The following RBFOX1 variants were observed in gnomAD, a reference collection of about 807,000 sequenced individuals.
The protein encoded by RBFOX1 is RNA binding fox-1 homolog 1, also known as RNA binding protein fox-1 homolog 1.
A neutral mutation model predicts 57.7 loss-of-function variants in RBFOX1; 8 were observed. The observed-to-expected ratio is 0.14, with a 90% CI of 0.08 to 0.25. The LOEUF (loss-of-function observed/expected upper bound fraction) is 0.25, where lower values mean the gene tolerates loss of function less well. Among genes scored for constraint, RBFOX1 ranks in the 10% least tolerant of loss-of-function variants. The pLI is 1.00. For synonymous variants in RBFOX1, 326 were observed against 222.4 expected (o/e 1.47, Z -4.15); for missense variants, 611 against 548.5 (o/e 1.11, Z -1.14).
chr16:6,534,617 C>T (rs1016033), intron 2 of RBFOX1, among the ~76,000 whole-genome samples: 65,880 of 151,924 alleles, frequency 0.43, 14,802 homozygotes, highest in Non-Finnish European at 0.49. Context: ...TTACACTAAT[C>T]GTCACAAGAC....
intron 2 of RBFOX1, among the ~76,000 whole-genome samples, chr16:6,408,253 C>T (rs577629286): frequency 5.3e-4 from 80 of 152,228 alleles, no homozygotes; most frequent in African/African-American, 1.9e-3. Flanking sequence ...GCACTTTATT[C>T]TATAAAGTGC....
chr16:6,541,946 C>CTTTTT (rs879873002), intron 2 of RBFOX1, among the ~76,000 whole-genome samples: 1 of 146,698 alleles, frequency 6.8e-6, no homozygotes, highest in African/African-American at 2.5e-5. Context: ...ACATCTCCCC[C>CTTTTT]TTTTTTTTTT....
At chr16:6,833,251 C>A (rs771048017) in intron 3 of RBFOX1, among the ~76,000 whole-genome samples, 1 of 151,868 alleles carries the variant, frequency 6.6e-6, no homozygotes, top group Non-Finnish European at 1.5e-5. Flanking sequence ...TTACAACCTC[C>A]GCCTCCCAGA....
At chr16:6,310,886 A>T (rs12102452) in intron 1 of RBFOX1, among the ~76,000 whole-genome samples, 4 of 150,258 alleles carry the variant, frequency 2.7e-5, no homozygotes, top group African/African-American at 9.8e-5. Flanking sequence ...AACAGGTGCA[A>T]ATTTACCAGT....
intron 1 of RBFOX1, among the ~76,000 whole-genome samples, chr16:5,329,737 C>G (rs112586096): frequency 6.6e-6 from 1 of 152,196 alleles, no homozygotes; most frequent in Non-Finnish European, 1.5e-5. Flanking sequence ...CGGTGGCTTA[C>G]GCCTGTAATC....
chr16:5,521,318 G>A (rs145054795), intron 2 of RBFOX1, among the ~76,000 whole-genome samples: 36 of 136,798 alleles, frequency 2.6e-4, no homozygotes, highest in African/African-American at 8.8e-4. Context: ...CCCCAGGTCC[G>A]TGCAATTCAT....
In RBFOX1 at chr16:6,388,182, G is replaced by A. The variant is rs571199100; in HGVS notation, c.-64+71125G>A. On this transcript the variant is annotated intron_variant, in intron 2 of 15. Coordinates refer to ENST00000550418, the MANE Select transcript of RBFOX1 (RefSeq NM_018723.4). ...GGAGTTTCACCTTGTTAACCAGGAT[G>A]GTCTTGAACTCCTGACCTTGTGATC... Among the ~76,000 whole-genome samples the A allele has an allele frequency of 8.8e-4, 134 of 152,000 alleles. 4 individuals carry two copies. In the South Asian group the frequency reaches 0.013, roughly 15 times the overall value.
chr16:5,882,182 C>G (rs1473822472), intron 4 of RBFOX1, among the ~76,000 whole-genome samples: 2 of 152,194 alleles, frequency 1.3e-5, no homozygotes, highest in Admixed American at 6.5e-5. Context: ...AAATCACTAA[C>G]CTCTACTGCC....
chr16:5,432,254 A>G (rs2067761647), intron 1 of RBFOX1, among the ~76,000 whole-genome samples: 1 of 152,216 alleles, frequency 6.6e-6, no homozygotes, highest in Non-Finnish European at 1.5e-5. Context: ...CTGTAAAAAT[A>G]AAAACATGGT....
At chr16:6,436,435 T>C in intron 2 of RBFOX1, among the ~76,000 whole-genome samples, 1 of 151,906 alleles carries the variant, frequency 6.6e-6, no homozygotes, top group East Asian at 1.9e-4. Flanking sequence ...CCCTTATACA[T>C]GATACAGACC....
At chr16:7,383,326 C>A (rs1021576909) in intron 4 of RBFOX1, among the ~76,000 whole-genome samples, 5 of 150,876 alleles carry the variant, frequency 3.3e-5, no homozygotes, top group African/African-American at 1.2e-4. Flanking sequence ...AATATAACTT[C>A]TCTGCTTGGA....
At chr16:7,169,879 C>G (rs943362132) in intron 4 of RBFOX1, among the ~76,000 whole-genome samples, 1 of 151,978 alleles carries the variant, frequency 6.6e-6, no homozygotes, top group Admixed American at 6.6e-5. Flanking sequence ...AAGACCTGCC[C>G]TGGCAACGTG....
intron 14 of RBFOX1, among the ~76,000 whole-genome samples, chr16:7,691,198 T>C (rs8061577): frequency 0.52 from 70,343 of 135,806 alleles, 16,408 homozygotes; most frequent in South Asian, 0.61. Flanking sequence ...GTCACTATTA[T>C]TGAGAACTCT....
chr16:6,329,750 G>C (rs138399094), intron 2 of RBFOX1, among the ~76,000 whole-genome samples: 8 of 152,228 alleles, frequency 5.3e-5, no homozygotes, highest in African/African-American at 1.9e-4. Context: ...AAGCCAACAT[G>C]GTCAAACCAT....
At position 6,753,005 on chromosome 16, in the gene RBFOX1, C is replaced by T. The variant is rs1384126889; in HGVS notation, c.-16+98355C>T. On this transcript the variant is annotated intron_variant, in intron 3 of 15. Transcript: ENST00000550418. Reference sequence around the variant, plus strand: ...TACAAATGTGCAAATTTCAAATACACAATTGTGCAAATTTCAAAATTTATT... The same window carrying T: ...TACAAATGTGCAAATTTCAAATACATAATTGTGCAAATTTCAAAATTTATT... Among the ~76,000 whole-genome samples the T allele has an allele frequency of 2.0e-5, 3 of 152,022 alleles. No homozygotes were observed. In the East Asian group the frequency reaches 5.8e-4, roughly 29 times the overall value.
chr16:6,393,241 C>T (rs552655589), intron 2 of RBFOX1, among the ~76,000 whole-genome samples: 1 of 152,152 alleles, frequency 6.6e-6, no homozygotes, highest in Non-Finnish European at 1.5e-5. Flanking sequence ...AATTAAATGA[C>T]TCTGAGCATC....
chr16:6,691,842 T>G (rs1381471106), intron 3 of RBFOX1, among the ~76,000 whole-genome samples: 2 of 152,200 alleles, frequency 1.3e-5, no homozygotes, highest in African/African-American at 4.8e-5. Flanking sequence ...CTGAGCACTT[T>G]TCCTTGCTCT....
chr16:5,897,740 C>G (rs952374745), intron 4 of RBFOX1, among the ~76,000 whole-genome samples: 1 of 152,056 alleles, frequency 6.6e-6, no homozygotes, highest in Non-Finnish European at 1.5e-5. Flanking sequence ...GTCTCCCCAG[C>G]ATTTTGTTTT....
chr16:5,317,841 T>C (rs1363103026), intron 1 of RBFOX1, among the ~76,000 whole-genome samples: 2 of 152,200 alleles, frequency 1.3e-5, no homozygotes, highest in Non-Finnish European at 2.9e-5. Context: ...AGCACCTTCA[T>C]ACTGTTGTGT....
Sources: gnomAD v4.1 joint callset for allele counts (sites outside exome capture counted in the v4.1 genomes callset) on GRCh38, gnomAD v4.1.1 for gene constraint, MANE v1.5 for transcripts, NCBI Gene and HGNC (gene_info 2026-07-23, HGNC 2026-07-21) for gene names.